MICU2: variants seen among roughly 807,000 people sequenced by gnomAD.
MICU2 encodes the protein mitochondrial calcium uptake 2.
In MICU2, 64 loss-of-function variants were observed where a neutral mutation model predicts 60.4. The observed-to-expected ratio is 1.06, with a 90% CI of 0.87 to 1.31. The LOEUF (loss-of-function observed/expected upper bound fraction) is 1.31. Ranked by LOEUF, MICU2 falls within the 50% of genes most tolerant of loss-of-function variation. The pLI, the probability that MICU2 is intolerant of heterozygous loss-of-function variation, is 0.00. For missense variants in MICU2, 569 were observed against 531.0 expected (o/e 1.07, Z -0.70); for synonymous variants, 201 against 175.0 (o/e 1.15, Z -1.17).
intron 8 of MICU2, among the ~76,000 whole-genome samples, chr13:21,507,533 T>A (rs896007990): frequency 2.6e-5 from 4 of 152,138 alleles, no homozygotes; most frequent in African/African-American, 4.8e-5. Context: ...TCTAGAGAGC[T>A]TAAATGACTC....
intron 4 of MICU2, among the ~76,000 whole-genome samples, chr13:21,524,527 G>A (rs1196231947): frequency 6.6e-6 from 1 of 152,152 alleles, no homozygotes; most frequent in Non-Finnish European, 1.5e-5. Context: ...TTTTAGACAA[G>A]TTTTCAAGTG....
At chr13:21,554,635 G>C (rs12100253) in intron 2 of MICU2, among the ~76,000 whole-genome samples, 1,841 of 152,136 alleles carry the variant, frequency 0.012, 15 homozygotes, top group Non-Finnish European at 0.018. Context: ...AGAGAAGCAA[G>C]GGCAAACACA....
chr13:21,542,349 C>T lies in MICU2; in HGVS notation c.359-2661G>A, dbSNP rs150306719. On this transcript the variant is annotated intron_variant, in intron 2 of 11. Coordinates refer to ENST00000382374, the MANE Select transcript of MICU2 (RefSeq NM_152726.3). ...TTAAATACACCTAAGTATTTCTGGA[C>T]AATATTTTTCTATTTAAGGATAAAA... is the stretch of plus-strand genomic sequence containing the variant. 8.0e-3 allele frequency among the ~76,000 whole-genome samples: 1,214 copies of T among 152,252 alleles called. 12 individuals carry two copies. The highest frequency in any genetic ancestry group is 0.024 in the Middle Eastern group (7 of 294).
At chr13:21,581,172 T>C (rs1325742764) in intron 1 of MICU2, among the ~76,000 whole-genome samples, 1 of 152,210 alleles carries the variant, frequency 6.6e-6, no homozygotes, top group Non-Finnish European at 1.5e-5. Flanking sequence ...GGATGTAACC[T>C]GAAAATTTAG....
intron 1 of MICU2, among the ~76,000 whole-genome samples, chr13:21,573,730 TAATA>T (rs1888166011): frequency 6.6e-6 from 1 of 151,468 alleles, no homozygotes; most frequent in African/African-American, 2.4e-5. Context: ...TCCAAGGAGT[TAATA>T]ATTAAAAAAA....
At chr13:21,589,454 C>T (rs779684700) in intron 1 of MICU2, among the ~76,000 whole-genome samples, 2 of 152,044 alleles carry the variant, frequency 1.3e-5, no homozygotes, top group African/African-American at 2.4e-5. Context: ...AACAACTAAG[C>T]CAAGACATGT....
chr13:21,495,155 T>C lies in MICU2; in HGVS notation c.1200+6A>G, dbSNP rs1885961261. ...AAACATGTATTATATAAAAAAAATC[T>C]GTTACCCATAAACCTCGATGCATTC... On this transcript the variant is annotated splice_donor_region_variant and intron_variant, in intron 11 of 11. Transcript: ENST00000382374. The C allele has an allele frequency of 6.3e-7, 1 of 1,589,856 alleles. No individual in the cohort carries two copies. The highest frequency in any genetic ancestry group is 2.2e-5 in the East Asian group (1 of 44,662).
intron 1 of MICU2, among the ~76,000 whole-genome samples, chr13:21,570,054 C>T (rs189452018): frequency 1.8e-3 from 269 of 152,258 alleles, no homozygotes; most frequent in African/African-American, 5.9e-3. Flanking sequence ...TAAATAACAA[C>T]AGAACTAGAA....
intron 4 of MICU2, among the ~76,000 whole-genome samples, chr13:21,538,734 A>G (rs185586661): frequency 6.6e-6 from 1 of 152,254 alleles, no homozygotes; most frequent in Admixed American, 6.5e-5. Flanking sequence ...ATATGATGCC[A>G]TTTTATATCA....
chr13:21,539,662 T>C lies in MICU2; in HGVS notation c.385A>G (p.Lys129Glu), dbSNP rs767677069. 3.1e-6 allele frequency: 5 copies of C among 1,614,150 alleles called. No individual in the cohort carries two copies. The East Asian group carries it at 6.7e-5, about 22-fold the overall frequency. Residue 129 changes from lysine to glutamate, a missense_variant, in exon 3 of 12, where the codon AAA becomes GAA. By Grantham distance (56) the Lys-to-Glu change is moderately conservative. Transcript: ENST00000382374. ...CCCCACAACATGATGCTTACCTTTT[T>C]TGTCAGCTTCTTGACTGAAGTTTTA... ...ERKTSVKKLT[K>E]KDIEDTLSGI...
chr13:21,575,383 T>G (rs1054428898), intron 1 of MICU2, among the ~76,000 whole-genome samples: 2 of 151,214 alleles, frequency 1.3e-5, no homozygotes, highest in African/African-American at 4.9e-5. Flanking sequence ...TTTCTGTCTC[T>G]GTTTGAAACA....
At chr13:21,544,098 T>C (rs957800845) in intron 2 of MICU2, among the ~76,000 whole-genome samples, 2 of 152,092 alleles carry the variant, frequency 1.3e-5, no homozygotes, top group African/African-American at 4.8e-5. Flanking sequence ...CTGGGAAAAC[T>C]AGATGTCCAC....
intron 2 of MICU2, among the ~76,000 whole-genome samples, chr13:21,544,946 C>T (rs917054043): frequency 5.3e-5 from 8 of 152,042 alleles, no homozygotes; most frequent in Admixed American, 1.3e-4. Context: ...GCCACTGCAC[C>T]GGCCAGGAAA....
intron 4 of MICU2, among the ~76,000 whole-genome samples, chr13:21,525,425 T>A (rs1886827273): frequency 6.6e-6 from 1 of 151,868 alleles, no homozygotes; most frequent in African/African-American, 2.4e-5. Flanking sequence ...TCTCCTGACC[T>A]CGTGATCTGC....
intron 2 of MICU2, among the ~76,000 whole-genome samples, chr13:21,549,644 T>C (rs1887502924): frequency 6.6e-6 from 1 of 152,152 alleles, no homozygotes; most frequent in Non-Finnish European, 1.5e-5. Flanking sequence ...ATGTTGTAAG[T>C]TTAAATAAGG....
chr13:21,599,602 A>G (rs1888770284), intron 1 of MICU2, among the ~76,000 whole-genome samples: 1 of 152,254 alleles, frequency 6.6e-6, no homozygotes. Flanking sequence ...AACACCATAC[A>G]TAGACTTGCA....
At chr13:21,551,145 G>A (rs2138018547) in intron 2 of MICU2, among the ~76,000 whole-genome samples, 1 of 152,222 alleles carries the variant, frequency 6.6e-6, no homozygotes, top group African/African-American at 2.4e-5. Flanking sequence ...TGACTCCCTT[G>A]CTTCTCTTTC....
At chr13:21,529,806 ACT>A (rs1220178043) in intron 4 of MICU2, among the ~76,000 whole-genome samples, 5 of 152,086 alleles carry the variant, frequency 3.3e-5, no homozygotes, top group Non-Finnish European at 5.9e-5. Context: ...GAGCTGGGAG[ACT>A]CTATATATTC....
chr13:21,496,251 A>G, intron 9 of MICU2, 91 bp from the exon 10 acceptor site: 1 of 906,124 alleles, frequency 1.1e-6, no homozygotes, highest in Non-Finnish European at 1.7e-6. Context: ...TACCGTAGAG[A>G]CTAGTATCAT....
Sources: gnomAD v4.1 joint callset for allele counts (sites outside exome capture counted in the v4.1 genomes callset) on GRCh38, gnomAD v4.1.1 for gene constraint, MANE v1.5 for transcripts, NCBI Gene and HGNC (gene_info 2026-07-23, HGNC 2026-07-21) for gene names.